EDA: variants seen among roughly 807,000 people sequenced by gnomAD.
The protein encoded by EDA is ectodysplasin A, also known as ectodysplasin-A.
In EDA, 2 loss-of-function variants were observed where a neutral mutation model predicts 23.6. The ratio of observed to expected loss-of-function variants is 0.08; its 90% CI spans 0.03 to 0.27. EDA has a LOEUF of 0.27. Among genes scored for constraint, EDA ranks in the 10% least tolerant of loss-of-function variants. The pLI, the probability that EDA is intolerant of heterozygous loss-of-function variation, is 1.00. For missense variants in EDA, 229 were observed against 324.2 expected (o/e 0.71, Z 2.26); for synonymous variants, 131 against 132.0 (o/e 0.99, Z 0.05).
chrX:69,779,673 A>G (rs1489096378), intron 1 of EDA, among the ~76,000 whole-genome samples: 3 of 111,725 alleles, frequency 2.7e-5, no homozygotes. Flanking sequence ...TAATAGTACT[A>G]AACGCTACTG....
intron 1 of EDA, among the ~76,000 whole-genome samples, chrX:69,890,559 A>G (rs896821955): frequency 2.7e-5 from 3 of 111,089 alleles, no homozygotes; most frequent in African/African-American, 9.8e-5. Context: ...AGACACATAG[A>G]CCAATGGAAC....
intron 1 of EDA, among the ~76,000 whole-genome samples, chrX:69,801,287 C>A (rs1018701483): frequency 2.7e-5 from 3 of 109,934 alleles, no homozygotes; most frequent in African/African-American, 9.9e-5. Flanking sequence ...CTTTAGTGAT[C>A]CTCCTGCCTC....
chrX:69,740,059 T>C (rs2013402740), intron 1 of EDA, among the ~76,000 whole-genome samples: 2 of 111,519 alleles, frequency 1.8e-5, no homozygotes, highest in Admixed American at 9.5e-5. Context: ...TACAGCTTGT[T>C]CTCACCCACC....
chrX:69,932,601 AG>A (rs1569377006), intron 1 of EDA, among the ~76,000 whole-genome samples: 1 of 112,091 alleles, frequency 8.9e-6, no homozygotes. Context: ...TTCTGTTCCA[AG>A]GTTACTAATT....
intron 1 of EDA, among the ~76,000 whole-genome samples, chrX:69,655,653 G>A (rs1483991875): frequency 9.7e-6 from 1 of 103,466 alleles, no homozygotes; most frequent in African/African-American, 3.6e-5. Flanking sequence ...AAATCTGAAG[G>A]ATTTGGACCA....
chrX:69,645,598 G>GTATATA (rs1398841742), intron 1 of EDA, among the ~76,000 whole-genome samples: 1 of 31,998 alleles, frequency 3.1e-5, no homozygotes, highest in African/African-American at 2.4e-4. Context: ...ATATATGTGT[G>GTATATA]TGTGTATATA....
At chrX:70,007,162 G>C (rs916015304) in intron 2 of EDA, among the ~76,000 whole-genome samples, 1 of 112,143 alleles carries the variant, frequency 8.9e-6, no homozygotes, top group African/African-American at 3.2e-5. Flanking sequence ...GAATCAAGTA[G>C]TGTCATTCTT....
chrX:69,842,906 T>G (rs2147562459), intron 1 of EDA, among the ~76,000 whole-genome samples: 1 of 111,850 alleles, frequency 8.9e-6, no homozygotes, highest in Non-Finnish European at 1.9e-5. Flanking sequence ...ATAAATTTCC[T>G]GAGGCTTCCC....
At chrX:70,011,721 C>T (rs2019878610) in intron 2 of EDA, among the ~76,000 whole-genome samples, 1 of 111,597 alleles carries the variant, frequency 9.0e-6, no homozygotes, top group Non-Finnish European at 1.9e-5. Context: ...CTTGCAAGGC[C>T]GATCTACTAG....
chrX:69,710,278 G>C (rs377684523), intron 1 of EDA, among the ~76,000 whole-genome samples: 1 of 110,076 alleles, frequency 9.1e-6, no homozygotes, highest in African/African-American at 3.3e-5. Flanking sequence ...TCTTGTTTTT[G>C]TCAGGTTTGT....
intron 1 of EDA, among the ~76,000 whole-genome samples, chrX:69,902,183 G>A (rs901766043): frequency 9.6e-5 from 3 of 31,211 alleles, no homozygotes; most frequent in Admixed American, 6.3e-4. Context: ...TGAATTGTCC[G>A]TTTGGTTATA....
intron 2 of EDA, among the ~76,000 whole-genome samples, chrX:70,019,339 T>C (rs1174271152): frequency 8.9e-6 from 1 of 111,979 alleles, no homozygotes; most frequent in Non-Finnish European, 1.9e-5. Flanking sequence ...AATCTCATTA[T>C]TGGGTATATA....
chrX:69,654,300 G>C (rs1441338210), intron 1 of EDA, among the ~76,000 whole-genome samples: 1 of 111,511 alleles, frequency 9.0e-6, no homozygotes, highest in East Asian at 2.8e-4. Context: ...GGAAACAACA[G>C]GTGCTGGAGA....
At chrX:69,626,030 A>G (rs1932373118) in intron 1 of EDA, among the ~76,000 whole-genome samples, 2 of 111,654 alleles carry the variant, frequency 1.8e-5, no homozygotes, top group African/African-American at 6.5e-5. Context: ...CCACAAATGA[A>G]GATACACAAA....
chrX:70,014,488 A>G (rs1292535839), intron 2 of EDA, among the ~76,000 whole-genome samples: 1 of 112,595 alleles, frequency 8.9e-6, no homozygotes, highest in Non-Finnish European at 1.9e-5. Flanking sequence ...CAGATGAGAA[A>G]GAACCAGCAT....
At chrX:69,951,132 CTT>C (rs1266449817) in intron 1 of EDA, among the ~76,000 whole-genome samples, 12 of 109,180 alleles carry the variant, frequency 1.1e-4, no homozygotes, top group Non-Finnish European at 1.7e-4. Flanking sequence ...ATGAAAGTCT[CTT>C]ATCACCAGGC....
At chrX:69,785,272 A>G (rs1197353568) in intron 1 of EDA, among the ~76,000 whole-genome samples, 5 of 87,598 alleles carry the variant, frequency 5.7e-5, no homozygotes, top group Admixed American at 2.6e-4. Flanking sequence ...TTCCTAATTG[A>G]ATACCCTTTA....
At chrX:69,865,270 G>GTA (rs971155641) in intron 1 of EDA, among the ~76,000 whole-genome samples, 1 of 109,603 alleles carries the variant, frequency 9.1e-6, no homozygotes, top group African/African-American at 3.3e-5. Context: ...AACTAATAGG[G>GTA]TATATATATA....
chrX:69,938,349 T>C (rs1244403536), intron 1 of EDA, among the ~76,000 whole-genome samples: 2 of 112,374 alleles, frequency 1.8e-5, no homozygotes, highest in Admixed American at 9.4e-5. Flanking sequence ...TGCATTTCTC[T>C]GATGATAGAT....
Sources: gnomAD v4.1 joint callset for allele counts (sites outside exome capture counted in the v4.1 genomes callset) on GRCh38, gnomAD v4.1.1 for gene constraint, MANE v1.5 for transcripts, NCBI Gene and HGNC (gene_info 2026-07-23, HGNC 2026-07-21) for gene names.